C1orf21: variants seen among roughly 807,000 people sequenced by gnomAD.
The protein encoded by C1orf21 is chromosome 1 open reading frame 21, also known as uncharacterized protein C1orf21.
C1orf21 carries 3 observed loss-of-function variants against 18.7 expected under a neutral mutation model. That is an observed-to-expected ratio of 0.16 (90% CI 0.07 to 0.42). The LOEUF is 0.42. Ranked by LOEUF, C1orf21 falls within the 10% of genes least tolerant of loss-of-function variation. C1orf21 has a pLI of 0.99. For missense variants in C1orf21, 104 were observed against 143.6 expected, an observed-to-expected ratio of 0.72 and a Z score of 1.41; for synonymous variants, 41 against 46.4, an observed-to-expected ratio of 0.88 and a Z score of 0.47.
chr1:184,617,904 GT>G (rs142357373), intron 5 of C1orf21, among the ~76,000 whole-genome samples: 10,902 of 87,528 alleles, frequency 0.12, 596 homozygotes, highest in African/African-American at 0.19. Context: ...TGTTGTTGTT[GT>G]TTTTTTTTTT....
rs1403181007 is a variant in C1orf21 at position 184,445,423 on chromosome 1, C to A, written c.-124-31963C>A. Among the ~76,000 whole-genome samples the A allele has an allele frequency of 2.0e-5, 3 of 150,658 alleles. No homozygotes were observed. The Admixed American group carries it at 2.0e-4, about 10-fold the overall frequency. ...TTTCTTCTGTCTATTAAACTTTCCA[C>A]TCTTTACCCCCCCACCCAACCCCAT... is the stretch of plus-strand genomic sequence containing the variant. On this transcript the variant is annotated intron_variant, in intron 1 of 5. Coordinates refer to ENST00000235307, the MANE Select transcript of C1orf21 (RefSeq NM_030806.4).
intron 3 of C1orf21, among the ~76,000 whole-genome samples, chr1:184,533,406 A>AT (rs1658499588): frequency 6.6e-6 from 1 of 152,212 alleles, no homozygotes; most frequent in Non-Finnish European, 1.5e-5. Flanking sequence ...CTAGCAGGTC[A>AT]TAAGTGCTGG....
At chr1:184,586,928 A>G (rs1659362524) in intron 3 of C1orf21, among the ~76,000 whole-genome samples, 1 of 152,170 alleles carries the variant, frequency 6.6e-6, no homozygotes, top group South Asian at 2.1e-4. Flanking sequence ...TTTACATTTA[A>G]GCCTTTAATC....
At chr1:184,402,397 G>C (rs1331150209) in intron 1 of C1orf21, among the ~76,000 whole-genome samples, 1 of 152,150 alleles carries the variant, frequency 6.6e-6, no homozygotes, top group Non-Finnish European at 1.5e-5. Context: ...TAGGCAGAAG[G>C]AGCACTTGAG....
intron 3 of C1orf21, among the ~76,000 whole-genome samples, chr1:184,531,713 G>A (rs969311971): frequency 6.6e-5 from 10 of 151,872 alleles, no homozygotes; most frequent in African/African-American, 1.9e-4. Context: ...TATGGAAGCC[G>A]ACTTTAAATT....
chr1:184,552,044 C>T (rs952876935), intron 3 of C1orf21, among the ~76,000 whole-genome samples: 1 of 151,458 alleles, frequency 6.6e-6, no homozygotes, highest in Non-Finnish European at 1.5e-5. Flanking sequence ...GATTCATTTG[C>T]ATACACAAAT....
At chr1:184,611,412 G>A (rs1033309758) in intron 5 of C1orf21, among the ~76,000 whole-genome samples, 2 of 152,190 alleles carry the variant, frequency 1.3e-5, no homozygotes, top group Non-Finnish European at 2.9e-5. Flanking sequence ...AGCCCTGCAG[G>A]CGGTGGTTTA....
chr1:184,623,210 C>T lies in C1orf21; in HGVS notation c.*3654C>T, dbSNP rs371635078. The stretch of plus-strand genomic sequence containing the variant: ...GTCATAGAAAAGAAACATTGTTAAA[C>T]ATGTTGAGTTTTAAAGGAAGAAATA... On this transcript the variant is annotated 3_prime_UTR_variant, in exon 6 of 6. Transcript: ENST00000235307. 6.6e-6 allele frequency: 1 copy of T among 152,154 alleles called. No homozygotes were observed. The highest frequency in any genetic ancestry group is 1.9e-4 in the East Asian group (1 of 5,194). 9.4% of individuals were successfully genotyped at this position (152,154 alleles called of 1,614,324 possible). A position where few individuals can be genotyped will look rare whatever the true frequency, so the allele number is the denominator to read the frequency against.
At chr1:184,474,582 A>G (rs1657542886) in intron 1 of C1orf21, among the ~76,000 whole-genome samples, 1 of 152,204 alleles carries the variant, frequency 6.6e-6, no homozygotes, top group Non-Finnish European at 1.5e-5. Flanking sequence ...TCATGGCTTC[A>G]ATTCTTCCCT....
At chr1:184,489,349 A>G (rs1287269505) in intron 2 of C1orf21, among the ~76,000 whole-genome samples, 1 of 152,228 alleles carries the variant, frequency 6.6e-6, no homozygotes, top group Non-Finnish European at 1.5e-5. Flanking sequence ...AAGATATTCT[A>G]CTTCTCAGTA....
chr1:184,617,248 T>G (rs898644181), intron 5 of C1orf21, among the ~76,000 whole-genome samples: 1 of 152,132 alleles, frequency 6.6e-6, no homozygotes, highest in Non-Finnish European at 1.5e-5. Context: ...CAAACAACAG[T>G]GTATATGTAC....
chr1:184,514,625 T>C (rs533655582), intron 3 of C1orf21, among the ~76,000 whole-genome samples: 1 of 152,288 alleles, frequency 6.6e-6, no homozygotes, highest in East Asian at 1.9e-4. Flanking sequence ...ACCCAGCACT[T>C]CCACATCTTG....
In C1orf21 at chr1:184,623,291, C is replaced by T. The variant is rs1558018199; in HGVS notation, c.*3735C>T. 3 of 152,216 alleles carry T rather than the reference C, an allele frequency of 2.0e-5. No homozygotes were observed. The highest frequency in any genetic ancestry group is 4.4e-5 in the Non-Finnish European group (3 of 68,040). 9.4% of individuals were successfully genotyped at this position (152,216 alleles called of 1,614,324 possible). On this transcript the variant is annotated 3_prime_UTR_variant, in exon 6 of 6. Transcript: ENST00000235307. ...AGTTGGAATCTTAGACTTCGGGACT[C>T]TGACACGTTCTTTATGAAAGGCAAA...
chr1:184,525,239 AT>A (rs2101970865), intron 3 of C1orf21, among the ~76,000 whole-genome samples: 1 of 152,158 alleles, frequency 6.6e-6, no homozygotes, highest in East Asian at 1.9e-4. Context: ...TTCTCATACC[AT>A]TGGTTTCCAT....
intron 1 of C1orf21, among the ~76,000 whole-genome samples, chr1:184,460,155 G>A (rs561673665): frequency 2.6e-5 from 4 of 152,260 alleles, no homozygotes; most frequent in South Asian, 2.1e-4. Context: ...ACATTTAGCC[G>A]CAGATTTGAT....
intron 2 of C1orf21, among the ~76,000 whole-genome samples, chr1:184,504,121 C>T (rs947287564): frequency 1.3e-5 from 2 of 152,136 alleles, no homozygotes; most frequent in East Asian, 1.9e-4. Flanking sequence ...ATCACCCAGG[C>T]GTTGCTTTTA....
intron 3 of C1orf21, among the ~76,000 whole-genome samples, chr1:184,521,530 C>T (rs866121215): frequency 5.6e-4 from 85 of 152,240 alleles, no homozygotes; most frequent in African/African-American, 2.0e-3. Flanking sequence ...GAAAGATACA[C>T]ACTGTATGAT....
At chr1:184,548,472 C>T (rs1011382434) in intron 3 of C1orf21, among the ~76,000 whole-genome samples, 6 of 140,804 alleles carry the variant, frequency 4.3e-5, no homozygotes, top group Non-Finnish European at 7.5e-5. Flanking sequence ...TGGAGTGCAG[C>T]GGCGCGATCT....
intron 5 of C1orf21, among the ~76,000 whole-genome samples, chr1:184,614,612 C>A (rs998707229): frequency 2.0e-5 from 3 of 152,140 alleles, no homozygotes; most frequent in African/African-American, 7.2e-5. Flanking sequence ...CAGGATGATT[C>A]AAGCACATTA....
Sources: gnomAD v4.1 joint callset for allele counts (sites outside exome capture counted in the v4.1 genomes callset) on GRCh38, gnomAD v4.1.1 for gene constraint, MANE v1.5 for transcripts, NCBI Gene and HGNC (gene_info 2026-07-23, HGNC 2026-07-21) for gene names.